FHOD3: variants seen among roughly 807,000 people sequenced by gnomAD.
The protein encoded by FHOD3 is FH1/FH2 domain-containing protein 3.
A neutral mutation model predicts 173.0 loss-of-function variants in FHOD3; 90 were observed. The ratio of observed to expected loss-of-function variants is 0.52; its 90% CI spans 0.44 to 0.62. The LOEUF is 0.62. FHOD3 is among the 20% of genes least tolerant of loss of function. The pLI, the probability that FHOD3 is intolerant of heterozygous loss-of-function variation, is 0.00. For synonymous variants in FHOD3, 828 were observed against 823.0 expected, an observed-to-expected ratio of 1.01 and a Z score of -0.10; for missense variants, 1,945 against 2,034.7, an observed-to-expected ratio of 0.96 and a Z score of 0.85.
intron 3 of FHOD3, among the ~76,000 whole-genome samples, chr18:36,407,939 A>G (rs1183395848): frequency 6.6e-6 from 1 of 152,232 alleles, no homozygotes; most frequent in African/African-American, 2.4e-5. Flanking sequence ...AAGCTGCACA[A>G]TCCTTTCTCA....
chr18:36,308,932 A>G (rs7240720), intron 1 of FHOD3, among the ~76,000 whole-genome samples: 41,649 of 152,074 alleles, frequency 0.27, 10,126 homozygotes, highest in African/African-American at 0.66. Context: ...CCTCCCCCAC[A>G]CTGTAGGTGA....
At chr18:36,663,930 T>A (rs2036979823) in intron 14 of FHOD3, among the ~76,000 whole-genome samples, 1 of 152,230 alleles carries the variant, frequency 6.6e-6, no homozygotes, top group East Asian at 1.9e-4. Flanking sequence ...TTGGCTTTTA[T>A]CATTTCCTTC....
intron 3 of FHOD3, among the ~76,000 whole-genome samples, chr18:36,434,032 C>A (rs569363206): frequency 6.6e-6 from 1 of 152,314 alleles, no homozygotes; most frequent in South Asian, 2.1e-4. Context: ...AGCTTCCAAG[C>A]CACTGGCGAT....
chr18:36,685,543 G>A (rs1270253750), intron 15 of FHOD3, among the ~76,000 whole-genome samples: 1 of 152,076 alleles, frequency 6.6e-6, no homozygotes, highest in African/African-American at 2.4e-5. Flanking sequence ...GTTGAATATG[G>A]TCTTAAGCTT....
intron 5 of FHOD3, among the ~76,000 whole-genome samples, chr18:36,529,598 C>G (rs541737963): frequency 6.6e-6 from 1 of 152,044 alleles, no homozygotes; most frequent in Admixed American, 6.5e-5. Flanking sequence ...GCGGGTGGAT[C>G]ACTTGAGGTC....
chr18:36,767,557 C>T (rs1338179009), intron 27 of FHOD3, among the ~76,000 whole-genome samples: 1 of 151,980 alleles, frequency 6.6e-6, no homozygotes, highest in Non-Finnish European at 1.5e-5. Context: ...TGACCTCAAG[C>T]GATCTGCCCG....
intron 1 of FHOD3, among the ~76,000 whole-genome samples, chr18:36,344,574 A>C (rs867369045): frequency 8.5e-5 from 13 of 152,202 alleles, no homozygotes; most frequent in Admixed American, 7.9e-4. Context: ...CTGGGAATAA[A>C]TAGAATACTA....
intron 3 of FHOD3, among the ~76,000 whole-genome samples, chr18:36,390,117 T>C (rs1335938750): frequency 6.6e-6 from 1 of 152,142 alleles, no homozygotes; most frequent in Non-Finnish European, 1.5e-5. Context: ...TAGACTGGGC[T>C]CCGGCATTGA....
intron 24 of FHOD3, 134 bp from the exon 25 acceptor site, chr18:36,754,980 TTATTA>T (rs2042563463): frequency 7.0e-6 from 1 of 142,066 alleles, no homozygotes; most frequent in African/African-American, 5.2e-5. Flanking sequence ...GGTTTCTTTA[TTATTA>T]TTATTATTAT....
At chr18:36,520,218 C>T (rs2056207641) in intron 5 of FHOD3, among the ~76,000 whole-genome samples, 1 of 152,130 alleles carries the variant, frequency 6.6e-6, no homozygotes, top group Non-Finnish European at 1.5e-5. Flanking sequence ...CTTGGCTTCC[C>T]AAAGTGCTAG....
chr18:36,757,959 G>T (rs2042703535), intron 25 of FHOD3, among the ~76,000 whole-genome samples: 1 of 152,142 alleles, frequency 6.6e-6, no homozygotes, highest in Non-Finnish European at 1.5e-5. Context: ...GGTAATCCTG[G>T]GTGAGACCCT....
intron 3 of FHOD3, among the ~76,000 whole-genome samples, chr18:36,414,746 C>T (rs1219226989): frequency 7.9e-5 from 12 of 152,172 alleles, no homozygotes; most frequent in Non-Finnish European, 1.8e-4. Context: ...CTGGGTAGGA[C>T]GTTTCAGGAG....
At chr18:36,377,214 G>T (rs2047486754) in intron 3 of FHOD3, among the ~76,000 whole-genome samples, 1 of 152,148 alleles carries the variant, frequency 6.6e-6, no homozygotes, top group Non-Finnish European at 1.5e-5. Context: ...TCCAGGTTCT[G>T]CCCTTCTTCT....
chr18:36,602,430 C>G (rs1568480874), intron 7 of FHOD3, among the ~76,000 whole-genome samples: 1 of 152,178 alleles, frequency 6.6e-6, no homozygotes, highest in African/African-American at 2.4e-5. Flanking sequence ...CATCCAGACA[C>G]TGAAGCGTAC....
chr18:36,312,964 A>T (rs1029482399), intron 1 of FHOD3, among the ~76,000 whole-genome samples: 2 of 152,152 alleles, frequency 1.3e-5, no homozygotes, highest in African/African-American at 4.8e-5. Context: ...GTATCATCTC[A>T]GATTTCTTCA....
At chr18:36,728,349 T>C (rs1334751036) in intron 19 of FHOD3, among the ~76,000 whole-genome samples, 1 of 152,216 alleles carries the variant, frequency 6.6e-6, no homozygotes, top group Non-Finnish European at 1.5e-5. Flanking sequence ...CTCATTCCTT[T>C]AGCATTCCAC....
intron 15 of FHOD3, among the ~76,000 whole-genome samples, chr18:36,684,056 A>G (rs753310701): frequency 1.3e-5 from 2 of 152,252 alleles, no homozygotes; most frequent in African/African-American, 2.4e-5. Flanking sequence ...ATTTGTACAC[A>G]TGTGGCTTCA....
Position 36,740,792 on chromosome 18 carries a change from G to A in FHOD3, c.3713G>A (p.Arg1238Gln), listed in dbSNP as rs1192799141. The change falls in exon 21 of 29, where the codon CGA (arginine) becomes CAA (glutamine). Residue 1238 changes from arginine (R) to glutamine (Q), a missense_variant. By Grantham distance (43) the Arg-to-Gln change is conservative (BLOSUM62 1). Coordinates refer to ENST00000590592, the MANE Select transcript of FHOD3 (RefSeq NM_001281740.3). Reference sequence around the variant, plus strand: ...TCCTCCATCAGCGAGCTCTCTGCACGACTTCACCTCTGGGCATTCAAAATG... The same window carrying A: ...TCCTCCATCAGCGAGCTCTCTGCACAACTTCACCTCTGGGCATTCAAAATG... Reference protein sequence around the residue: ...TLSSISELSARLHLWAFKMDY... With the variant: ...TLSSISELSAQLHLWAFKMDY... 1.2e-6 allele frequency: 2 copies of A among 1,613,970 alleles called. No homozygotes were observed. The highest frequency in any genetic ancestry group is 1.3e-5 in the African/African-American group (1 of 75,006).
chr18:36,355,450 A>G (rs899747893), intron 1 of FHOD3, 89 bp from the exon 2 acceptor site: 1 of 1,065,636 alleles, frequency 9.4e-7, no homozygotes, highest in Non-Finnish European at 1.4e-6. Context: ...TGATTTTACA[A>G]AACACAGGAG....
Sources: gnomAD v4.1 joint callset for allele counts (sites outside exome capture counted in the v4.1 genomes callset) on GRCh38, gnomAD v4.1.1 for gene constraint, MANE v1.5 for transcripts, NCBI Gene and HGNC (gene_info 2026-07-23, HGNC 2026-07-21) for gene names.